Variants in ACTC1 observed in about 807,000 individuals in gnomAD.
The protein encoded by ACTC1 is actin alpha cardiac muscle 1.
A neutral mutation model predicts 31.6 loss-of-function variants in ACTC1; 10 were observed. That is an observed-to-expected ratio of 0.32 (90% CI 0.19 to 0.54). The LOEUF is 0.54. Among genes scored for constraint, ACTC1 ranks in the 20% least tolerant of loss-of-function variants. The pLI is 0.95. For missense variants in ACTC1, 129 were observed against 506.4 expected (o/e 0.25, Z 7.15); for synonymous variants, 196 against 185.0 (o/e 1.06, Z -0.48).
In ACTC1 at chr15:34,793,684, TAAC is replaced by T; in HGVS notation, c.130-118_130-116del. The stretch of plus-strand genomic sequence containing the variant: ...AAGGAACATATTTAAATACCAGAAA[TAAC>T]AAGCAATACGATTTTACCCCAATTT... On this transcript the variant is annotated intron_variant, in intron 2 of 6. Transcript: ENST00000290378. The surrounding 1 kb of genome is among the most constrained non-coding windows in gnomAD (Gnocchi z 4.8). 1 of 970,078 alleles carries T rather than the reference TAAC, an allele frequency of 1.0e-6. No individual in the cohort carries two copies. The highest frequency in any genetic ancestry group is 2.6e-5 in the East Asian group (1 of 38,448). 60.1% of individuals were successfully genotyped at this position (970,078 alleles called of 1,614,324 possible).
In ACTC1 at chr15:34,795,083, A is replaced by G. The variant is rs552355887; in HGVS notation, c.-22-253T>C. Among the ~76,000 whole-genome samples, 464 of 152,234 alleles carry G rather than the reference A, an allele frequency of 3.0e-3. 3 individuals are homozygous for G. Among genetic ancestry groups the G allele is most frequent in the Admixed American group, 5.4e-3 (83 of 15,300 alleles). ...GGCCAGGAGTTCCAGCTAGGGTGCC[A>G]GGTGCAAGGAGGGACCCAAGAAACC... On this transcript the variant is annotated intron_variant, in intron 1 of 6. Coordinates refer to ENST00000290378, the MANE Select transcript of ACTC1 (RefSeq NM_005159.5).
rs1891780353 is a variant in ACTC1 at position 34,794,698 on chromosome 15, C to T, written c.111G>A (p.Val37=). Residue 37 remains valine (V), a synonymous_variant, in exon 2 of 7, where the codon GTG becomes GTA. Transcript: ENST00000290378. ...DAPRAVFPSI[V]GRPRHQGVMV... ...AGTTTACCTGGTGCCGCGGGCGGCC[C>T]ACGATGGACGGGAAGACAGCGCGGG... 6.2e-7 allele frequency: 1 copy of T among 1,612,396 alleles called. No individual in the cohort carries two copies. The highest frequency in any genetic ancestry group is 1.3e-5 in the African/African-American group (1 of 74,914).
chr15:34,793,429 G>A lies in ACTC1; in HGVS notation c.270C>T (p.His90=), dbSNP rs138812333. 3.0e-5 allele frequency: 48 copies of A among 1,614,190 alleles called. No individual in the cohort carries two copies. Among genetic ancestry groups the A allele is most frequent in the Middle Eastern group, 1.6e-4 (1 of 6,062 alleles). The change falls in exon 3 of 7, where the codon CAC becomes CAT. Residue 90 remains histidine, a synonymous_variant. Transcript: ENST00000290378. This position sits in a 1 kb window ranked among gnomAD's most constrained non-coding sequence, Gnocchi z 4.8. ...NWDDMEKIWH[H]TFYNELRVAP... ...CCACACGGAGCTCATTGTAGAAGGT[G>A]TGGTGCCAGATCTTCTCCATGTCGT...
At position 34,790,461 on chromosome 15, in the gene ACTC1, T is replaced by G. The variant is rs375435815; in HGVS notation, c.1085A>C (p.Gln362Pro). The G allele has an allele frequency of 1.9e-6, 3 of 1,614,066 alleles. No homozygotes were observed. Among genetic ancestry groups the G allele is most frequent in the Non-Finnish European group, 2.5e-6 (3 of 1,180,028 alleles). The stretch of plus-strand genomic sequence containing the variant: ...GGATGGGCCTGCCTCATCGTACTCT[T>G]GCTTGCTAATCCACATTTGCTGGAA... ...STFQQMWISK[Q>P]EYDEAGPSIV... Residue 362 changes from glutamine to proline, a missense_variant, in exon 7 of 7, where the codon CAA becomes CCA. Gln to Pro is a moderately conservative substitution (Grantham distance 76). Coordinates refer to ENST00000290378, the MANE Select transcript of ACTC1 (RefSeq NM_005159.5).
rs1891700511 is a variant in ACTC1 at position 34,791,308 on chromosome 15, CA to C, written c.809-14del. 5.6e-6 allele frequency: 1 copy of C among 177,528 alleles called. No homozygotes were observed. Among genetic ancestry groups the C allele is most frequent in the Middle Eastern group, 1.7e-3 (1 of 578 alleles). The allele number at this position is 177,528 out of a possible 1,614,324, so 11.0% of individuals were successfully genotyped here. A position where few individuals can be genotyped will look rare whatever the true frequency, so the allele number is the denominator to read the frequency against. ...GCAGATTCCATACCTGGGAACGAGT[CA>C]CACACACACACACACACACACACAC... On this transcript the variant is annotated splice_polypyrimidine_tract_variant and intron_variant, in intron 5 of 6. Transcript: ENST00000290378.
Position 34,793,573 on chromosome 15 carries a change from T to C in ACTC1, c.130-4A>G. 1.2e-6 allele frequency: 2 copies of C among 1,613,590 alleles called. No individual in the cohort carries two copies. Among genetic ancestry groups the C allele is most frequent in the Non-Finnish European group, 1.7e-6 (2 of 1,179,768 alleles). On this transcript the variant is annotated splice_polypyrimidine_tract_variant and splice_region_variant and intron_variant, in intron 2 of 6. Coordinates refer to ENST00000290378, the MANE Select transcript of ACTC1 (RefSeq NM_005159.5). This position sits in a 1 kb window ranked among gnomAD's most constrained non-coding sequence, Gnocchi z 4.8. ...GACCCATACCCACCATAACTCCCTA[T>C]GAGAAGAAAAAATGAGAAAATCATG...
At position 34,793,112 on chromosome 15, in the gene ACTC1, C is replaced by G. The variant is rs1166355534; in HGVS notation, c.454+133G>C. ...CTCAGGGCACTACTGTTAACTCTTTCTCTTAGCACAGACCTTGCTAGGGAA... is the reference window on the plus strand; with the variant it reads ...CTCAGGGCACTACTGTTAACTCTTTGTCTTAGCACAGACCTTGCTAGGGAA... On this transcript the variant is annotated intron_variant, in intron 3 of 6. Coordinates refer to ENST00000290378, the MANE Select transcript of ACTC1 (RefSeq NM_005159.5). This position sits in a 1 kb window ranked among gnomAD's most constrained non-coding sequence, Gnocchi z 4.8. 1.1e-6 allele frequency: 1 copy of G among 922,640 alleles called. No homozygotes were observed. Among genetic ancestry groups the G allele is most frequent in the Non-Finnish European group, 1.7e-6 (1 of 595,610 alleles). The allele number at this position is 922,640 out of a possible 1,614,324, so 57.2% of individuals were successfully genotyped here.
In ACTC1 at chr15:34,793,228, C is replaced by T; in HGVS notation, c.454+17G>A. On this transcript the variant is annotated intron_variant, in intron 3 of 6. Transcript: ENST00000290378. This position sits in a 1 kb window ranked among gnomAD's most constrained non-coding sequence, Gnocchi z 4.8. The stretch of plus-strand genomic sequence containing the variant: ...GGAATGTGATTCATCAGTAACTGTC[C>T]CCAGAGCCCAGCATACCTGTGGTAC... 1 of 1,613,468 alleles carries T rather than the reference C, an allele frequency of 6.2e-7. No homozygotes were observed. The highest frequency in any genetic ancestry group is 8.5e-7 in the Non-Finnish European group (1 of 1,179,480).
intron 1 of ACTC1, 150 bp from the exon 2 acceptor site, chr15:34,794,980 C>A (rs1891790224): frequency 3.6e-6 from 3 of 829,806 alleles, no homozygotes; most frequent in Admixed American, 3.1e-5. Flanking sequence ...CCCTTCCCCT[C>A]GAATCATAAA....
At position 34,793,306 on chromosome 15, in the gene ACTC1, G is replaced by A; in HGVS notation, c.393C>T (p.Val131=). The A allele has an allele frequency of 6.2e-7, 1 of 1,614,172 alleles. No homozygotes were observed. The highest frequency in any genetic ancestry group is 8.5e-7 in the Non-Finnish European group (1 of 1,180,022). The part of the protein sequence containing the change: ...MTQIMFETFN[V]PAMYVAIQAV... Reference sequence around the variant, plus strand: ...CCTGGATGGCCACGTACATGGCAGGGACATTGAAGGTCTCAAACATGATCT... The same window carrying A: ...CCTGGATGGCCACGTACATGGCAGGAACATTGAAGGTCTCAAACATGATCT... The change falls in exon 3 of 7, where the codon GTC becomes GTT. Residue 131 remains valine, a synonymous_variant. Transcript: ENST00000290378. This position sits in a 1 kb window ranked among gnomAD's most constrained non-coding sequence, Gnocchi z 4.8.
chr15:34,793,724 T>G lies in ACTC1; in HGVS notation c.130-155A>C, dbSNP rs971161516. 6.6e-6 allele frequency among the ~76,000 whole-genome samples: 1 copy of G among 152,128 alleles called. No homozygotes were observed. The highest frequency in any genetic ancestry group is 1.5e-5 in the Non-Finnish European group (1 of 68,026). On this transcript the variant is annotated intron_variant, in intron 2 of 6. Transcript: ENST00000290378. The surrounding 1 kb of genome is among the most constrained non-coding windows in gnomAD (Gnocchi z 4.8). ...TTTTACCCCAATTTAGAAGAATTAT[T>G]TAAAAATCAATCTTCTACCTTCTCC...
At chr15:34,795,009 G>C (rs902097567) in intron 1 of ACTC1, among the ~76,000 whole-genome samples, 179 bp from the exon 2 acceptor site, 4 of 152,184 alleles carry the variant, frequency 2.6e-5, no homozygotes, top group African/African-American at 9.7e-5. Context: ...AAGAAGCCGC[G>C]GAGGAGACTG....
chr15:34,790,672 G>T (rs1455607786), intron 6 of ACTC1, 117 bp from the exon 7 acceptor site: 5 of 1,191,502 alleles, frequency 4.2e-6, no homozygotes, highest in Non-Finnish European at 6.1e-6. Context: ...CTATAATGTG[G>T]GATATGTCAT....
rs1477704956 is a variant in ACTC1 at position 34,792,696 on chromosome 15, T to C, written c.455-127A>G. 2 of 971,002 alleles carry C rather than the reference T, an allele frequency of 2.1e-6. No individual in the cohort carries two copies. Among genetic ancestry groups the C allele is most frequent in the Admixed American group, 4.0e-5 (2 of 50,440 alleles). 60.1% of individuals were successfully genotyped at this position (971,002 alleles called of 1,614,324 possible). ...CAATGGGCATTGATCCAGATAAAAT[T>C]AGATTCCTTACACACAAAGAATAAA... On this transcript the variant is annotated intron_variant, in intron 3 of 6. Transcript: ENST00000290378. The surrounding 1 kb of genome is among the most constrained non-coding windows in gnomAD (Gnocchi z 5.3).
At chr15:34,794,917 A>C in intron 1 of ACTC1, 87 bp from the exon 2 acceptor site, 2 of 638,244 alleles carry the variant, frequency 3.1e-6, no homozygotes, top group Non-Finnish European at 4.5e-6. Flanking sequence ...ACAGAGCAGA[A>C]GGGGGTTGTG....
In ACTC1 at chr15:34,793,987, T is replaced by C. The variant is rs145857148; in HGVS notation, c.130-418A>G. ...AGATTTTGACATTCAAGTGAACACA[T>C]AATGATGGGCTGATATGCCATCCTC... On this transcript the variant is annotated intron_variant, in intron 2 of 6. Transcript: ENST00000290378. This position sits in a 1 kb window ranked among gnomAD's most constrained non-coding sequence, Gnocchi z 4.8. Among the ~76,000 whole-genome samples, 2 of 152,360 alleles carry C rather than the reference T, an allele frequency of 1.3e-5. No individual in the cohort carries two copies. The highest frequency in any genetic ancestry group is 2.9e-5 in the Non-Finnish European group (2 of 68,036).
Position 34,792,079 on chromosome 15 carries a change from C to G in ACTC1, c.808+11G>C. 3 of 1,614,076 alleles carry G rather than the reference C, an allele frequency of 1.9e-6. No individual in the cohort carries two copies. Among genetic ancestry groups the G allele is most frequent in the South Asian group, 2.2e-5 (2 of 91,070 alleles). On this transcript the variant is annotated intron_variant, in intron 5 of 6. Transcript: ENST00000290378. This position sits in a 1 kb window ranked among gnomAD's most constrained non-coding sequence, Gnocchi z 5.3. The stretch of plus-strand genomic sequence containing the variant: ...GAAAATCGTGCCTCTGCACCAGACC[C>G]TACAACTCACCAATGAAGGAGGGCT...
Position 34,792,019 on chromosome 15 carries a change from T to C in ACTC1, c.808+71A>G, listed in dbSNP as rs1595760679. The C allele has an allele frequency of 6.4e-7, 1 of 1,565,906 alleles. No homozygotes were observed. Among genetic ancestry groups the C allele is most frequent in the South Asian group, 1.1e-5 (1 of 89,518 alleles). ...TAACTCAAGGGCTTCTTGAGCCTTC[T>C]AGATTTTACTCTGGGAGACCCTAAG... On this transcript the variant is annotated intron_variant, in intron 5 of 6. Coordinates refer to ENST00000290378, the MANE Select transcript of ACTC1 (RefSeq NM_005159.5). This position sits in a 1 kb window ranked among gnomAD's most constrained non-coding sequence, Gnocchi z 5.3.
rs1891724758 is a variant in ACTC1 at position 34,792,484 on chromosome 15, C to G, written c.540G>C (p.Leu180=). Reference sequence around the variant, plus strand: ...CAGTGAGGTCCCGACCAGCCAGATCCAGACGCATGATGGCATGGGGCAAAG... The same window carrying G: ...CAGTGAGGTCCCGACCAGCCAGATCGAGACGCATGATGGCATGGGGCAAAG... ...GYALPHAIMR[L]DLAGRDLTDY... Residue 180 remains leucine, a synonymous_variant, in exon 4 of 7, where the codon CTG becomes CTC. Transcript: ENST00000290378. This position sits in a 1 kb window ranked among gnomAD's most constrained non-coding sequence, Gnocchi z 5.3. 1.2e-6 allele frequency: 2 copies of G among 1,614,148 alleles called. No homozygotes were observed. The highest frequency in any genetic ancestry group is 1.7e-6 in the Non-Finnish European group (2 of 1,180,028).
Sources: allele counts gnomAD v4.1 joint callset (sites outside exome capture counted in the v4.1 genomes callset), GRCh38; gene constraint gnomAD v4.1.1; non-coding constraint Gnocchi (gnomAD v3.1); transcripts MANE v1.5; gene names NCBI Gene and HGNC (gene_info 2026-07-23, HGNC 2026-07-21).